Variants in HAUS5 observed in about 807,000 individuals in gnomAD.
HAUS5 encodes the protein HAUS augmin-like complex subunit 5.
A neutral mutation model predicts 94.1 loss-of-function variants in HAUS5; 67 were observed. The ratio of observed to expected loss-of-function variants is 0.71; its 90% CI spans 0.58 to 0.87. HAUS5 has a LOEUF of 0.87. Ranked by LOEUF, HAUS5 falls within the 40% of genes least tolerant of loss-of-function variation. HAUS5 has a pLI of 0.00. For missense variants in HAUS5, 739 were observed against 825.6 expected (o/e 0.90, Z 1.29); for synonymous variants, 339 against 355.4 (o/e 0.95, Z 0.52).
intron 12 of HAUS5, 43 bp from the exon 13 acceptor site, chr19:35,618,844 C>T (rs1268679465): frequency 6.4e-7 from 1 of 1,556,994 alleles, no homozygotes; most frequent in East Asian, 2.3e-5. Context: ...TTGTGTGGCT[C>T]AGTCACCCTT....
chr19:35,620,156 A>G (rs770915360), intron 16 of HAUS5, 33 bp downstream of exon 16: 3 of 1,610,958 alleles, frequency 1.9e-6, no homozygotes, highest in Non-Finnish European at 2.5e-6. Context: ...TTGTCTCCCC[A>G]GCCCCGCCCC....
intron 9 of HAUS5, 70 bp from the exon 10 acceptor site, chr19:35,618,001 C>T: frequency 6.2e-7 from 1 of 1,601,656 alleles, no homozygotes; most frequent in Non-Finnish European, 8.5e-7. Context: ...GATGACAGCC[C>T]TATTCCCATG....
chr19:35,620,072 G>A lies in HAUS5; in HGVS notation c.1467G>A (p.Arg489=). The change falls in exon 16 of 19, where the codon AGG becomes AGA. Residue 489 remains arginine, a synonymous_variant. Transcript: ENST00000203166. ...SIHQLHPASP[R]GSSFIALSHK... ...ACCAGCTGCACCCCGCGTCCCCAAG[G>A]GGCTCCAGCTTCATAGCGCTGAGCC... The A allele has an allele frequency of 3.7e-6, 6 of 1,613,614 alleles. No homozygotes were observed. The highest frequency in any genetic ancestry group is 5.1e-6 in the Non-Finnish European group (6 of 1,179,858).
intron 1 of HAUS5, among the ~76,000 whole-genome samples, chr19:35,613,501 C>T (rs1330870650): frequency 1.3e-5 from 2 of 149,478 alleles, no homozygotes; most frequent in Non-Finnish European, 3.0e-5. Context: ...GGGAGGATCG[C>T]ATGAGCCCAG....
chr19:35,614,949 C>A, intron 4 of HAUS5, 93 bp from the exon 5 acceptor site: 2 of 849,848 alleles, frequency 2.4e-6, no homozygotes, highest in South Asian at 1.6e-5. Flanking sequence ...GAGCAAAAAC[C>A]CTCTGCCACC....
At chr19:35,615,001 G>T (rs766171197) in intron 4 of HAUS5, 41 bp from the exon 5 acceptor site, 3 of 1,466,968 alleles carry the variant, frequency 2.0e-6, no homozygotes, top group Non-Finnish European at 2.8e-6. Context: ...GCCAGGCTGA[G>T]CCCCGATCAG....
In HAUS5 at chr19:35,615,210, C is replaced by T; in HGVS notation, c.326-17C>T. On this transcript the variant is annotated splice_polypyrimidine_tract_variant and intron_variant, in intron 5 of 18. Coordinates refer to ENST00000203166, the MANE Select transcript of HAUS5 (RefSeq NM_015302.2). ...GGGCGGGAAAGGTGCTGATGGCCAC[C>T]CCTGTTCCTCCCACAGACACGGCCA... is the stretch of plus-strand genomic sequence containing the variant. 1.2e-6 allele frequency: 2 copies of T among 1,613,322 alleles called. No homozygotes were observed. Among genetic ancestry groups the T allele is most frequent in the Non-Finnish European group, 1.7e-6 (2 of 1,179,614 alleles).
chr19:35,621,301 C>T (rs1384306831), intron 17 of HAUS5, among the ~76,000 whole-genome samples: 3 of 152,144 alleles, frequency 2.0e-5, no homozygotes, highest in Admixed American at 1.3e-4. Context: ...CCACCTCAGC[C>T]TCTGCCTACC....
chr19:35,623,170 C>A lies in HAUS5; in HGVS notation c.*177C>A. 1.7e-6 allele frequency: 1 copy of A among 596,066 alleles called. No individual in the cohort carries two copies. Among genetic ancestry groups the A allele is most frequent in the Non-Finnish European group, 3.0e-6 (1 of 335,496 alleles). The allele number at this position is 596,066 out of a possible 1,614,324, so 36.9% of individuals were successfully genotyped here. On this transcript the variant is annotated 3_prime_UTR_variant, in exon 19 of 19. Coordinates refer to ENST00000203166, the MANE Select transcript of HAUS5 (RefSeq NM_015302.2). ...ACTCAGCTCCTGGACCCTGTCCTTTCATCCCGCTAAAGCACCCCCTAAAAC... is the reference window on the plus strand; with the variant it reads ...ACTCAGCTCCTGGACCCTGTCCTTTAATCCCGCTAAAGCACCCCCTAAAAC...
Position 35,618,389 on chromosome 19 carries a change from T to TCCCCCCCC in HAUS5, c.822-8_822-7insCCCCCCCC. 1.2e-6 allele frequency: 2 copies of TCCCCCCCC among 1,602,644 alleles called. No individual in the cohort carries two copies. Among genetic ancestry groups the TCCCCCCCC allele is most frequent in the Non-Finnish European group, 1.7e-6 (2 of 1,171,940 alleles). ...GCAGCACGGCTCCCTCAGCAGCTCT[T>TCCCCCCCC]CCCCCACCCCAGACCCCAGGCCCCG... On this transcript the variant is annotated splice_polypyrimidine_tract_variant and intron_variant, in intron 10 of 18. Transcript: ENST00000203166.
chr19:35,619,904 G>C, intron 15 of HAUS5, 108 bp from the exon 16 acceptor site: 1 of 1,530,598 alleles, frequency 6.5e-7, no homozygotes, highest in Non-Finnish European at 8.8e-7. Flanking sequence ...CCCTGGTCTT[G>C]GCATCCTAGT....
chr19:35,623,154 C>G lies in HAUS5; in HGVS notation c.*161C>G. 1 of 609,012 alleles carries G rather than the reference C, an allele frequency of 1.6e-6. No homozygotes were observed. Among genetic ancestry groups the G allele is most frequent in the South Asian group, 2.0e-5 (1 of 51,144 alleles). The allele number at this position is 609,012 out of a possible 1,614,324, so 37.7% of individuals were successfully genotyped here. A position where few individuals can be genotyped will look rare whatever the true frequency, so the allele number is the denominator to read the frequency against. The stretch of plus-strand genomic sequence containing the variant: ...GCTGTTCTGCTGCCCCACTCAGCTC[C>G]TGGACCCTGTCCTTTCATCCCGCTA... On this transcript the variant is annotated 3_prime_UTR_variant, in exon 19 of 19. Coordinates refer to ENST00000203166, the MANE Select transcript of HAUS5 (RefSeq NM_015302.2).
intron 3 of HAUS5, 26 bp from the exon 4 acceptor site, chr19:35,614,009 C>T (rs1305062469): frequency 2.0e-5 from 33 of 1,613,664 alleles, no homozygotes; most frequent in East Asian, 4.5e-5. Context: ...CCCACTCATC[C>T]GCTGACTCTG....
chr19:35,616,358 C>T (rs539603377), intron 6 of HAUS5, among the ~76,000 whole-genome samples: 68 of 151,920 alleles, frequency 4.5e-4, no homozygotes, highest in African/African-American at 1.6e-3. Context: ...AGGTATTTAA[C>T]TTCTTTCTAT....
At chr19:35,614,796 G>C (rs1359764806) in intron 4 of HAUS5, among the ~76,000 whole-genome samples, 1 of 152,076 alleles carries the variant, frequency 6.6e-6, no homozygotes, top group East Asian at 1.9e-4. Flanking sequence ...CAGGGCTCCG[G>C]GAAGAGATCA....
At position 35,618,135 on chromosome 19, in the gene HAUS5, G is replaced by A. The variant is rs779185651; in HGVS notation, c.761G>A (p.Arg254Gln). The A allele has an allele frequency of 1.1e-4, 175 of 1,610,170 alleles. 1 individual carries two copies. Among genetic ancestry groups the A allele is most frequent in the Admixed American group, 2.7e-4 (16 of 59,690 alleles). ...LAALEHLAAE[R>Q]EAEIRSLCSG... Reference sequence around the variant, plus strand: ...GCCTTGGAGCACCTGGCTGCAGAGCGGGAGGCAGAGATTCGGTCCCTGTGC... The same window carrying A: ...GCCTTGGAGCACCTGGCTGCAGAGCAGGAGGCAGAGATTCGGTCCCTGTGC... The change falls in exon 10 of 19, where the codon CGG (arginine) becomes CAG (glutamine). Residue 254 changes from arginine (R) to glutamine (Q), a missense_variant. By Grantham distance (43) the Arg-to-Gln change is conservative. Transcript: ENST00000203166.
intron 3 of HAUS5, 30 bp from the exon 4 acceptor site, chr19:35,614,005 C>T (rs778480279): frequency 9.9e-6 from 16 of 1,613,514 alleles, no homozygotes; most frequent in Middle Eastern, 1.6e-4. Flanking sequence ...AAGCCCCACT[C>T]ATCCGCTGAC....
intron 6 of HAUS5, among the ~76,000 whole-genome samples, chr19:35,615,697 A>G (rs2071936617): frequency 6.6e-6 from 1 of 152,202 alleles, no homozygotes; most frequent in South Asian, 2.1e-4. Flanking sequence ...AGACCCTATC[A>G]TTTCTGGTAG....
At chr19:35,619,584 G>GGGCCCCC (rs2146339474) in intron 14 of HAUS5, 29 bp from the exon 15 acceptor site, 22 of 1,533,752 alleles carry the variant, frequency 1.4e-5, no homozygotes, top group East Asian at 4.7e-5. Context: ...ATGTTGTGAT[G>GGGCCCCC]CCCCACCCAC....
Sources: gnomAD v4.1 joint callset for allele counts (sites outside exome capture counted in the v4.1 genomes callset) on GRCh38, gnomAD v4.1.1 for gene constraint, MANE v1.5 for transcripts, NCBI Gene and HGNC (gene_info 2026-07-23, HGNC 2026-07-21) for gene names.